The following COL10A1 variants were observed in gnomAD, a reference collection of about 807,000 sequenced individuals.
COL10A1 encodes collagen type X alpha 1 chain.
A neutral mutation model predicts 18.2 loss-of-function variants in COL10A1; 10 were observed. The observed-to-expected ratio is 0.55, with a 90% CI of 0.34 to 0.93. The LOEUF is 0.93. Among genes scored for constraint, COL10A1 ranks in the 40% least tolerant of loss-of-function variants. COL10A1 has a pLI of 0.02. For missense variants in COL10A1, 897 were observed against 853.5 expected (o/e 1.05, Z -0.64); for synonymous variants, 330 against 316.6 (o/e 1.04, Z -0.45).
the COL10A1 span, among the ~76,000 whole-genome samples, chr6:116,170,939 A>C: frequency 6.6e-6 from 1 of 152,282 alleles, no homozygotes; most frequent in African/African-American, 2.4e-5. Context: ...CTAGCCTGTC[A>C]AACCTCATTC....
chr6:116,163,672 C>T (rs372025975), upstream of COL10A1, among the ~76,000 whole-genome samples: 2 of 151,920 alleles, frequency 1.3e-5, no homozygotes, highest in East Asian at 1.9e-4. Context: ...GGGTTTGGTT[C>T]GTTCTTGTTT....
chr6:116,197,032 C>T, the COL10A1 span, among the ~76,000 whole-genome samples: 2,148 of 151,798 alleles, frequency 0.014, 22 homozygotes, highest in South Asian at 0.026. Context: ...CATTCTTCTA[C>T]AGCTGTGTGT....
chr6:116,119,962 G>GAA lies in COL10A1; in HGVS notation c.*109_*110dup. On this transcript the variant is annotated 3_prime_UTR_variant, in exon 3 of 3. Transcript: ENST00000651968. ...TCTGATAGCTCAAATCTGTATTTCA[G>GAA]AAAATAAAAATTACATTCTTTTCAG... The GAA allele has an allele frequency of 1.9e-6, 2 of 1,048,700 alleles. No individual in the cohort carries two copies. Among genetic ancestry groups the GAA allele is most frequent in the Non-Finnish European group, 2.9e-6 (2 of 682,380 alleles). The allele number at this position is 1,048,700 out of a possible 1,614,324, so 65.0% of individuals were successfully genotyped here. A position where few individuals can be genotyped will look rare whatever the true frequency, so the allele number is the denominator to read the frequency against.
rs971198039 is a variant in COL10A1, at chr6:116,139,460, G to A, written c.-15-13953C>T. 3.3e-5 allele frequency among the ~76,000 whole-genome samples: 5 copies of A among 151,866 alleles called. No individual in the cohort carries two copies. In the East Asian group the frequency reaches 5.8e-4, roughly 18 times the overall value. On this transcript the variant is annotated intron_variant, in intron 1 of 1. Coordinates refer to the COL10A1 transcript ENST00000418500. Reference sequence around the variant, plus strand: ...TATACTTTTTTTAACTTTCAGTGTCGATACCACAAAATTCTTGTACATTTT... The same window carrying A: ...TATACTTTTTTTAACTTTCAGTGTCAATACCACAAAATTCTTGTACATTTT...
chr6:116,165,398 A>G, the COL10A1 span, among the ~76,000 whole-genome samples: 3 of 152,264 alleles, frequency 2.0e-5, no homozygotes, highest in East Asian at 3.9e-4. Flanking sequence ...GATCAGGGAA[A>G]TTTTCCTGAA....
chr6:116,207,466 A>AT, the COL10A1 span, among the ~76,000 whole-genome samples: 1 of 151,724 alleles, frequency 6.6e-6, no homozygotes, highest in Non-Finnish European at 1.5e-5. Context: ...TATTTTTCAG[A>AT]TTTTTTTTCA....
chr6:116,146,157 G>A (rs1779894156), intron 1 of COL10A1, among the ~76,000 whole-genome samples: 1 of 152,244 alleles, frequency 6.6e-6, no homozygotes, highest in African/African-American at 2.4e-5. Flanking sequence ...TGTGGTGGGT[G>A]TGGTGGGCAG....
At position 116,120,172 on chromosome 6, in the gene COL10A1, G is replaced by T. The variant is rs752542878; in HGVS notation, c.1944C>A (p.Asp648Glu). 6.2e-7 allele frequency: 1 copy of T among 1,614,060 alleles called. No individual in the cohort carries two copies. Among genetic ancestry groups the T allele is most frequent in the Non-Finnish European group, 8.5e-7 (1 of 1,179,996 alleles). Residue 648 changes from aspartate (D) to glutamate (E), a missense_variant, in exon 3 of 3, where the codon GAC (aspartate) becomes GAA (glutamate). Transcript: ENST00000651968. ...GSAIIDLTEN[D>E]QVWLQLPNAE... Reference sequence around the variant, plus strand: ...CATTGGGAAGCTGGAGCCACACCTGGTCATTTTCTGTGAGATCGATGATGG... The same window carrying T: ...CATTGGGAAGCTGGAGCCACACCTGTTCATTTTCTGTGAGATCGATGATGG...
chr6:116,142,054 T>C (rs1009483304), intron 1 of COL10A1, among the ~76,000 whole-genome samples: 5 of 152,096 alleles, frequency 3.3e-5, no homozygotes, highest in African/African-American at 1.2e-4. Context: ...ATTTAATAGC[T>C]GATTTGTACA....
chr6:116,123,318 C>T (rs1779191878), intron 2 of COL10A1, among the ~76,000 whole-genome samples: 1 of 152,136 alleles, frequency 6.6e-6, no homozygotes, highest in Non-Finnish European at 1.5e-5. Context: ...CTTCTCAGTG[C>T]GAGAAAGAAT....
upstream of COL10A1, among the ~76,000 whole-genome samples, chr6:116,130,483 G>C (rs1314288775): frequency 1.3e-5 from 2 of 151,392 alleles, no homozygotes; most frequent in Non-Finnish European, 2.9e-5. Flanking sequence ...CTAATGTTTT[G>C]TACCTTTCGT....
chr6:116,138,163 A>G (rs924175778), intron 1 of COL10A1, among the ~76,000 whole-genome samples: 22 of 152,144 alleles, frequency 1.4e-4, no homozygotes, highest in African/African-American at 2.7e-4. Context: ...ACAACTTTGC[A>G]TATATTATTT....
At chr6:116,139,533 A>G (rs1052437153) in intron 1 of COL10A1, among the ~76,000 whole-genome samples, 3 of 152,190 alleles carry the variant, frequency 2.0e-5, no homozygotes, top group Admixed American at 6.5e-5. Context: ...TGCATTTAAA[A>G]TGCATTTTAC....
chr6:116,167,762 G>C, the COL10A1 span, among the ~76,000 whole-genome samples: 15 of 152,152 alleles, frequency 9.9e-5, no homozygotes, highest in African/African-American at 3.6e-4. Context: ...GGATAATTAC[G>C]TTGCATAGCC....
the COL10A1 span, among the ~76,000 whole-genome samples, chr6:116,178,135 T>G: frequency 1.1e-4 from 15 of 135,204 alleles, no homozygotes; most frequent in South Asian, 7.0e-4. Context: ...GTGTGTGTGT[T>G]TACTAGTGGG....
At chr6:116,184,891 CTTGA>C in the COL10A1 span, among the ~76,000 whole-genome samples, 1 of 151,704 alleles carries the variant, frequency 6.6e-6, no homozygotes, top group Admixed American at 6.6e-5. Context: ...TTGCTCTGAT[CTTGA>C]TTATTTCTTT....
chr6:116,163,246 GTTGT>G (rs1048710072), upstream of COL10A1, among the ~76,000 whole-genome samples: 4 of 145,854 alleles, frequency 2.7e-5, no homozygotes, highest in African/African-American at 1.0e-4. Context: ...TTTTTTTGTT[GTTGT>G]TTGTTTGTTT....
the COL10A1 span, among the ~76,000 whole-genome samples, chr6:116,170,963 C>T: frequency 7.6e-4 from 115 of 152,290 alleles, 3 homozygotes; most frequent in Middle Eastern, 3.4e-3. Context: ...ATTTGACCTG[C>T]CCATTCCTCC....
At chr6:116,134,304 C>G (rs908559587) in intron 1 of COL10A1, among the ~76,000 whole-genome samples, 2 of 152,054 alleles carry the variant, frequency 1.3e-5, no homozygotes, top group African/African-American at 4.8e-5. Context: ...GCTGTAGACT[C>G]ATGGAGATAA....
Sources: allele counts gnomAD v4.1 joint callset (sites outside exome capture counted in the v4.1 genomes callset), GRCh38; gene constraint gnomAD v4.1.1; transcripts MANE v1.5; gene names NCBI Gene and HGNC (gene_info 2026-07-23, HGNC 2026-07-21).